Variants in DSCAM observed in about 807,000 individuals in gnomAD.
DSCAM encodes the protein DS cell adhesion molecule.
Under a neutral mutation model 217.7 loss-of-function variants are expected in DSCAM, and 47 were observed. That is an observed-to-expected ratio of 0.22 (90% CI 0.17 to 0.28). The LOEUF (loss-of-function observed/expected upper bound fraction) is 0.28, where lower values mean the gene tolerates loss of function less well. DSCAM is among the 10% of genes least tolerant of loss of function. DSCAM has a pLI of 1.00. For missense variants in DSCAM, 2,080 were observed against 2,618.3 expected (o/e 0.79, Z 4.49); for synonymous variants, 1,056 against 1,015.3 (o/e 1.04, Z -0.76).
chr21:40,505,674 G>A (rs1376091461), intron 3 of DSCAM, among the ~76,000 whole-genome samples: 3 of 152,154 alleles, frequency 2.0e-5, no homozygotes, highest in Non-Finnish European at 1.5e-5. Flanking sequence ...CTGTTGCTAA[G>A]GTACAGGGTG....
At chr21:40,647,391 TTA>T (rs1489921358) in intron 3 of DSCAM, among the ~76,000 whole-genome samples, 1 of 152,242 alleles carries the variant, frequency 6.6e-6, no homozygotes, top group Non-Finnish European at 1.5e-5. Flanking sequence ...CCATTAAATG[TTA>T]TGAAACAATA....
chr21:40,466,143 A>T (rs188579001), intron 3 of DSCAM, among the ~76,000 whole-genome samples: 1 of 152,212 alleles, frequency 6.6e-6, no homozygotes, highest in Non-Finnish European at 1.5e-5. Context: ...CTTATGAACA[A>T]CTAAGGAGTT....
intron 3 of DSCAM, 140 bp from the exon 4 acceptor site, chr21:40,369,385 CGTGTGTGTGTGTGTGTGTGTGT>C: frequency 2.6e-6 from 1 of 384,510 alleles, no homozygotes; most frequent in East Asian, 4.8e-5. Flanking sequence ...CGTGCGTCTG[CGTGTGTGTGTGTGTGTGTGTGT>C]GTGTGTGTGT....
intron 20 of DSCAM, among the ~76,000 whole-genome samples, chr21:40,115,517 A>G (rs1354345027): frequency 6.6e-6 from 1 of 152,202 alleles, no homozygotes; most frequent in African/African-American, 2.4e-5. Context: ...ATACATATGT[A>G]ACAAACCTGC....
chr21:40,020,557 A>T (rs778079787), intron 32 of DSCAM, among the ~76,000 whole-genome samples: 2 of 151,906 alleles, frequency 1.3e-5, no homozygotes, highest in African/African-American at 2.4e-5. Flanking sequence ...GGAGAGAGAT[A>T]TGGGAGGGAA....
intron 3 of DSCAM, among the ~76,000 whole-genome samples, chr21:40,393,480 A>T (rs907065249): frequency 5.9e-5 from 9 of 152,234 alleles, no homozygotes; most frequent in African/African-American, 1.9e-4. Context: ...ATATTTTTTT[A>T]AAATCAAGGT....
rs111679513 is a variant in DSCAM at position 40,080,473 on chromosome 21, G to A, written c.4232-133C>T. The A allele has an allele frequency of 6.9e-4, 551 of 793,532 alleles. 1 individual carries two copies. The African/African-American group carries it at 8.1e-3, about 12-fold the overall frequency. 49.2% of individuals were successfully genotyped at this position (793,532 alleles called of 1,614,324 possible). A position where few individuals can be genotyped will look rare whatever the true frequency, so the allele number is the denominator to read the frequency against. ...AAGAATCTTCAGAAGGAACATTTTC[G>A]CTCTTTCTGATTCCAGGAAATGTAA... On this transcript the variant is annotated intron_variant, in intron 24 of 32. Transcript: ENST00000400454.
In DSCAM at chr21:40,021,595, C is replaced by T. The variant is rs533418751; in HGVS notation, c.5687-8209G>A. On this transcript the variant is annotated intron_variant, in intron 32 of 32. Transcript: ENST00000400454. ...TTTGACTTCCGCCTTGAGGATGAGA[C>T]GCTTTACCCATTATTGCAGCATTTT... 4.1e-3 allele frequency among the ~76,000 whole-genome samples: 631 copies of T among 152,282 alleles called. 4 individuals are homozygous for T. The highest frequency in any genetic ancestry group is 0.014 in the African/African-American group (591 of 41,548).
chr21:40,482,562 T>G (rs1390292861), intron 3 of DSCAM, among the ~76,000 whole-genome samples: 1 of 152,208 alleles, frequency 6.6e-6, no homozygotes, highest in Non-Finnish European at 1.5e-5. Flanking sequence ...AGGAAAAACT[T>G]TATTGGTTTT....
intron 1 of DSCAM, among the ~76,000 whole-genome samples, chr21:40,834,669 T>C (rs1399388579): frequency 6.6e-6 from 1 of 152,002 alleles, no homozygotes; most frequent in African/African-American, 2.4e-5. Context: ...AACCCTTGCT[T>C]CTAGACTTCA....
intron 3 of DSCAM, among the ~76,000 whole-genome samples, chr21:40,533,352 A>T (rs1350252712): frequency 6.6e-6 from 1 of 152,142 alleles, no homozygotes; most frequent in African/African-American, 2.4e-5. Flanking sequence ...TCTTTCTCTG[A>T]TTTCCTAATT....
chr21:40,071,063 T>C (rs2089286938), intron 27 of DSCAM, among the ~76,000 whole-genome samples: 1 of 152,210 alleles, frequency 6.6e-6, no homozygotes, highest in Non-Finnish European at 1.5e-5. Context: ...TGTGCCTTCT[T>C]GCGTAAATGC....
intron 20 of DSCAM, among the ~76,000 whole-genome samples, chr21:40,112,759 A>C (rs1191726465): frequency 6.6e-6 from 1 of 152,234 alleles, no homozygotes; most frequent in Non-Finnish European, 1.5e-5. Context: ...ACAGAAATAC[A>C]AACTACCATC....
intron 11 of DSCAM, among the ~76,000 whole-genome samples, chr21:40,202,223 T>A (rs1395867655): frequency 6.6e-6 from 1 of 152,164 alleles, no homozygotes; most frequent in African/African-American, 2.4e-5. Context: ...CACTCTTATA[T>A]TCAGATGCAT....
chr21:40,816,989 A>G (rs1037720714), intron 1 of DSCAM, among the ~76,000 whole-genome samples: 8 of 152,224 alleles, frequency 5.3e-5, no homozygotes, highest in African/African-American at 1.9e-4. Context: ...ATAGCCTTTA[A>G]AATCACGCCA....
chr21:40,161,070 C>T (rs1263359562), intron 16 of DSCAM, among the ~76,000 whole-genome samples: 1 of 150,060 alleles, frequency 6.7e-6, no homozygotes, highest in African/African-American at 2.5e-5. Flanking sequence ...TAGATTCCAC[C>T]CCTGTGGCTG....
At chr21:40,749,661 A>T (rs1034629261) in intron 1 of DSCAM, among the ~76,000 whole-genome samples, 1 of 152,232 alleles carries the variant, frequency 6.6e-6, no homozygotes, top group Non-Finnish European at 1.5e-5. Context: ...GGAAAGAGGC[A>T]TGAAAGATCC....
At chr21:40,750,894 C>G (rs1213584708) in intron 1 of DSCAM, among the ~76,000 whole-genome samples, 1 of 152,178 alleles carries the variant, frequency 6.6e-6, no homozygotes, top group Non-Finnish European at 1.5e-5. Flanking sequence ...CACCATCTCT[C>G]GTTAGAATGA....
intron 3 of DSCAM, among the ~76,000 whole-genome samples, chr21:40,500,664 C>T (rs1459355543): frequency 6.6e-6 from 1 of 152,208 alleles, no homozygotes; most frequent in Non-Finnish European, 1.5e-5. Flanking sequence ...AAAGCCAGTG[C>T]AGTACCCAGG....
Sources: gnomAD v4.1 joint callset for allele counts (sites outside exome capture counted in the v4.1 genomes callset) on GRCh38, gnomAD v4.1.1 for gene constraint, MANE v1.5 for transcripts, NCBI Gene and HGNC (gene_info 2026-07-23, HGNC 2026-07-21) for gene names.